Variants in QSOX1 observed in about 807,000 individuals in gnomAD.
QSOX1 encodes sulfhydryl oxidase 1.
QSOX1 carries 40 observed loss-of-function variants against 76.1 expected under a neutral mutation model. That is an observed-to-expected ratio of 0.53 (90% CI 0.41 to 0.68). The LOEUF is 0.68. QSOX1 is among the 30% of genes least tolerant of loss of function. The pLI is 0.00. For missense variants in QSOX1, 931 were observed against 974.3 expected, an observed-to-expected ratio of 0.96 and a Z score of 0.59; for synonymous variants, 392 against 413.1, an observed-to-expected ratio of 0.95 and a Z score of 0.62.
chr1:180,196,467 G>A lies in QSOX1; in HGVS notation c.1674G>A (p.Val558=). The change falls in exon 12 of 12, where the codon GTG becomes GTA. Residue 558 remains valine, a synonymous_variant. Coordinates refer to ENST00000367602, the MANE Select transcript of QSOX1 (RefSeq NM_002826.5). The surrounding 1 kb of genome is among the most constrained non-coding windows in gnomAD (Gnocchi z 4.1). ...CTGCCCGGAGGGATGTGCAGAATGT[G>A]GCAGCCGCCCCAGAGCTGGCGATGG... ...GSAARRDVQN[V]AAAPELAMGA... 1 of 1,614,034 alleles carries A rather than the reference G, an allele frequency of 6.2e-7. No individual in the cohort carries two copies. Among genetic ancestry groups the A allele is most frequent in the Non-Finnish European group, 8.5e-7 (1 of 1,179,890 alleles).
At position 180,196,489 on chromosome 1, in the gene QSOX1, A is replaced by T; in HGVS notation, c.1696A>T (p.Met566Leu). 1 of 1,613,996 alleles carries T rather than the reference A, an allele frequency of 6.2e-7. No homozygotes were observed. Among genetic ancestry groups the T allele is most frequent in the Non-Finnish European group, 8.5e-7 (1 of 1,179,878 alleles). ...TGTGGCAGCCGCCCCAGAGCTGGCG[A>T]TGGGAGCCCTGGAGCTGGAAAGCCG... The part of the protein sequence containing the change: ...QNVAAAPELA[M>L]GALELESRNS... The change falls in exon 12 of 12, where the codon ATG becomes TTG. Residue 566 changes from methionine (M) to leucine (L), a missense_variant. Met to Leu is a conservative substitution (Grantham distance 15). Transcript: ENST00000367602. The surrounding 1 kb of genome is among the most constrained non-coding windows in gnomAD (Gnocchi z 4.1).
intron 1 of QSOX1, 97 bp from the exon 2 acceptor site, chr1:180,166,394 T>C (rs748699971): frequency 8.9e-5 from 82 of 919,566 alleles, no homozygotes; most frequent in Non-Finnish European, 1.4e-4. Flanking sequence ...TCAGGTGCTT[T>C]GAGGTTGGCA....
At chr1:180,182,463 T>C (rs1456286088) in intron 6 of QSOX1, 144 bp downstream of exon 6, 35 of 1,172,486 alleles carry the variant, frequency 3.0e-5, no homozygotes, top group Non-Finnish European at 4.1e-5. Flanking sequence ...GTCTGCTGTC[T>C]GCGGGGCCAG....
chr1:180,177,559 G>A (rs1360121264), intron 4 of QSOX1, among the ~76,000 whole-genome samples: 1 of 152,174 alleles, frequency 6.6e-6, no homozygotes, highest in African/African-American at 2.4e-5. Flanking sequence ...CCAGCCCAAA[G>A]CAATCCTTTT....
At chr1:180,178,388 C>A (rs1021838082) in intron 4 of QSOX1, among the ~76,000 whole-genome samples, 1 of 152,216 alleles carries the variant, frequency 6.6e-6, no homozygotes, top group African/African-American at 2.4e-5. Flanking sequence ...CCACCACACC[C>A]AGCTAAATTT....
Position 180,196,443 on chromosome 1 carries a change from T to C in QSOX1, c.1650T>C (p.Ala550=). 1 of 1,614,132 alleles carries C rather than the reference T, an allele frequency of 6.2e-7. No individual in the cohort carries two copies. The highest frequency in any genetic ancestry group is 8.5e-7 in the Non-Finnish European group (1 of 1,179,994). ...IILDFPAAGS[A]ARRDVQNVAA... is the part of the protein sequence containing the mutation. ...TGGACTTCCCTGCAGCTGGGTCAGC[T>C]GCCCGGAGGGATGTGCAGAATGTGG... The change falls in exon 12 of 12, where the codon GCT becomes GCC. Residue 550 remains alanine, a synonymous_variant. Transcript: ENST00000367602. The surrounding 1 kb of genome is among the most constrained non-coding windows in gnomAD (Gnocchi z 4.1).
Position 180,182,290 on chromosome 1 carries a change from C to G in QSOX1, c.723C>G (p.Phe241Leu). ...ACTTCCCCTCTTGCTACCTGCTGTT[C>G]CGGAATGGCTCTGTCTCCCGAGTCC... ...VTDFPSCYLL[F>L]RNGSVSRVPV... The change falls in exon 6 of 12, where the codon TTC (phenylalanine) becomes TTG (leucine). Residue 241 changes from phenylalanine to leucine, a missense_variant. Coordinates refer to ENST00000367602, the MANE Select transcript of QSOX1 (RefSeq NM_002826.5). 6.2e-7 allele frequency: 1 copy of G among 1,614,238 alleles called. No homozygotes were observed. The highest frequency in any genetic ancestry group is 8.5e-7 in the Non-Finnish European group (1 of 1,180,034).
At position 180,197,407 on chromosome 1, in the gene QSOX1, A is replaced by G; in HGVS notation, c.*370A>G. The G allele has an allele frequency of 2.5e-6, 4 of 1,610,562 alleles. No individual in the cohort carries two copies. The highest frequency in any genetic ancestry group is 3.3e-5 in the Admixed American group (2 of 59,970). Reference sequence around the variant, plus strand: ...TTGGTCTTGGCCCTCAACTGGGGCAAGTGAAGCCAGAGGAGGGTCCCCCAG... The same window carrying G: ...TTGGTCTTGGCCCTCAACTGGGGCAGGTGAAGCCAGAGGAGGGTCCCCCAG... On this transcript the variant is annotated 3_prime_UTR_variant, in exon 12 of 12. Coordinates refer to ENST00000367602, the MANE Select transcript of QSOX1 (RefSeq NM_002826.5).
Position 180,202,783 on chromosome 1 carries a change from C to T in QSOX1, c.*5746C>T, listed in dbSNP as rs1663661330. 1 of 151,888 alleles carries T rather than the reference C, an allele frequency of 6.6e-6. No homozygotes were observed. The highest frequency in any genetic ancestry group is 2.1e-4 in the South Asian group (1 of 4,820). 9.4% of individuals were successfully genotyped at this position (151,888 alleles called of 1,614,324 possible). On this transcript the variant is annotated 3_prime_UTR_variant, in exon 12 of 12. Coordinates refer to ENST00000367602, the MANE Select transcript of QSOX1 (RefSeq NM_002826.5). ...TGAGTAATCCATCTACTTGACGTCA[C>T]TTTTAAGAAATAAGGCCAGGCACGG...
At chr1:180,179,609 A>G (rs901036525) in intron 5 of QSOX1, among the ~76,000 whole-genome samples, 7 of 152,244 alleles carry the variant, frequency 4.6e-5, no homozygotes, top group African/African-American at 1.7e-4. Flanking sequence ...TGGTTCATGG[A>G]CTTCTCCATA....
intron 2 of QSOX1, among the ~76,000 whole-genome samples, chr1:180,169,436 CCT>C (rs1250691947): frequency 2.6e-5 from 4 of 152,208 alleles, no homozygotes; most frequent in African/African-American, 9.7e-5. Context: ...CAAATCCAGG[CCT>C]CTCTGCTTAC....
chr1:180,175,910 C>T, intron 3 of QSOX1, 21 bp from the exon 4 acceptor site: 1 of 1,557,674 alleles, frequency 6.4e-7, no homozygotes. Context: ...ACACTCCGCT[C>T]ACGCCTGTTT....
At chr1:180,192,097 T>C (rs1663334630) in intron 10 of QSOX1, among the ~76,000 whole-genome samples, 1 of 152,154 alleles carries the variant, frequency 6.6e-6, no homozygotes, top group Non-Finnish European at 1.5e-5. Context: ...TGTCTCCAAA[T>C]ACGGCCACAT....
intron 6 of QSOX1, among the ~76,000 whole-genome samples, chr1:180,182,740 G>C (rs1647323204): frequency 6.6e-6 from 1 of 152,204 alleles, no homozygotes; most frequent in South Asian, 2.1e-4. Context: ...ACAATAGCCA[G>C]TTCCAAAATG....
chr1:180,195,275 T>C lies in QSOX1; in HGVS notation c.1468+883T>C, dbSNP rs553654668. On this transcript the variant is annotated intron_variant, in intron 11 of 11. Coordinates refer to ENST00000367602, the MANE Select transcript of QSOX1 (RefSeq NM_002826.5). ...AGAAGCAGGGTGGTTCCCTCCCCTC[T>C]CTGGTGGGGTCCTTTCAGAAGAAAC... Among the ~76,000 whole-genome samples the C allele has an allele frequency of 1.7e-3, 262 of 152,134 alleles. 1 individual carries two copies. The highest frequency in any genetic ancestry group is 6.1e-3 in the African/African-American group (252 of 41,512).
At chr1:180,159,374 A>G (rs1662444023) in intron 1 of QSOX1, among the ~76,000 whole-genome samples, 1 of 152,244 alleles carries the variant, frequency 6.6e-6, no homozygotes, top group Admixed American at 6.5e-5. Flanking sequence ...TAAAGCTTAA[A>G]TGCAGCTTTG....
intron 1 of QSOX1, among the ~76,000 whole-genome samples, chr1:180,162,916 T>C (rs1166044164): frequency 6.6e-6 from 1 of 152,180 alleles, no homozygotes; most frequent in Admixed American, 6.5e-5. Flanking sequence ...GACTCCATTT[T>C]CTTAAGTAAT....
chr1:180,158,149 G>A (rs1662413037), intron 1 of QSOX1, among the ~76,000 whole-genome samples: 2 of 152,230 alleles, frequency 1.3e-5, no homozygotes, highest in Admixed American at 1.3e-4. Context: ...TTACACAGAT[G>A]CTGGAGAAGG....
chr1:180,196,617 G>T lies in QSOX1; in HGVS notation c.1824G>T (p.Lys608Asn). 1 of 1,614,176 alleles carries T rather than the reference G, an allele frequency of 6.2e-7. No homozygotes were observed. ...AEGPEASRPP[K>N]LHPGLRAAPG... ...GACCTGAGGCAAGTCGACCCCCGAA[G>T]CTGCACCCTGGCCTCAGAGCTGCAC... The change falls in exon 12 of 12, where the codon AAG (lysine) becomes AAT (asparagine). Residue 608 changes from lysine (K) to asparagine (N), a missense_variant. Transcript: ENST00000367602. This position sits in a 1 kb window ranked among gnomAD's most constrained non-coding sequence, Gnocchi z 4.1.
Sources: allele counts gnomAD v4.1 joint callset (sites outside exome capture counted in the v4.1 genomes callset), GRCh38; gene constraint gnomAD v4.1.1; non-coding constraint Gnocchi (gnomAD v3.1); transcripts MANE v1.5; gene names NCBI Gene and HGNC (gene_info 2026-07-23, HGNC 2026-07-21).